Variants in CALN1 observed in about 807,000 individuals in gnomAD.
CALN1 encodes the protein calcium-binding protein 8.
In CALN1, 17 loss-of-function variants were observed where a neutral mutation model predicts 30.6. That is an observed-to-expected ratio of 0.56 (90% confidence interval 0.38 to 0.83). The LOEUF is 0.83. CALN1 is among the 40% of genes least tolerant of loss of function. CALN1 has a pLI of 0.00. For missense variants in CALN1, 291 were observed against 354.9 expected (o/e 0.82, Z 1.45); for synonymous variants, 156 against 131.4 (o/e 1.19, Z -1.28).
At chr7:71,936,511 G>C (rs1156764891) in intron 5 of CALN1, among the ~76,000 whole-genome samples, 1 of 152,058 alleles carries the variant, frequency 6.6e-6, no homozygotes, top group Non-Finnish European at 1.5e-5. Flanking sequence ...CTAGGCCCCT[G>C]GGAAATTCTG....
chr7:71,834,237 A>C (rs1419679497), intron 5 of CALN1, among the ~76,000 whole-genome samples: 1 of 138,722 alleles, frequency 7.2e-6, no homozygotes, highest in Non-Finnish European at 1.6e-5. Context: ...AAAAAAAAAA[A>C]AACCAACAAA....
chr7:72,291,120 C>A (rs1287989915), intron 2 of CALN1, among the ~76,000 whole-genome samples: 5 of 152,066 alleles, frequency 3.3e-5, no homozygotes. Flanking sequence ...GACAGGATTT[C>A]ACCATGTTGG....
At chr7:72,058,584 G>T (rs567368159) in intron 4 of CALN1, among the ~76,000 whole-genome samples, 1 of 152,168 alleles carries the variant, frequency 6.6e-6, no homozygotes, top group Admixed American at 6.5e-5. Flanking sequence ...CTCCCAAAGT[G>T]CTGGGATTAC....
chr7:72,483,243 TGTTTG>T, the CALN1 span, among the ~76,000 whole-genome samples: 3 of 141,648 alleles, frequency 2.1e-5, no homozygotes, highest in Admixed American at 6.8e-5. Flanking sequence ...TTTGTTTGTT[TGTTTG>T]GTTTGGTTTG....
chr7:72,199,317 C>T (rs1012934269), intron 3 of CALN1, among the ~76,000 whole-genome samples: 1 of 152,060 alleles, frequency 6.6e-6, no homozygotes, highest in Non-Finnish European at 1.5e-5. Context: ...AGTTCTAATG[C>T]CCACTCTCCC....
intron 2 of CALN1, among the ~76,000 whole-genome samples, chr7:72,383,019 C>T (rs928939735): frequency 3.3e-5 from 5 of 152,184 alleles, no homozygotes; most frequent in African/African-American, 9.7e-5. Flanking sequence ...ATCTCTTGAC[C>T]TCATGATCCA....
At chr7:71,797,233 T>G (rs1786982475) in intron 6 of CALN1, among the ~76,000 whole-genome samples, 1 of 152,064 alleles carries the variant, frequency 6.6e-6, no homozygotes, top group Non-Finnish European at 1.5e-5. Flanking sequence ...CCAAAAGAAG[T>G]CATATTATTT....
intron 5 of CALN1, among the ~76,000 whole-genome samples, chr7:71,894,473 C>T (rs1399768076): frequency 6.6e-6 from 1 of 152,162 alleles, no homozygotes; most frequent in African/African-American, 2.4e-5. Context: ...CGTTATGTTG[C>T]CCAGGTTGTT....
At chr7:72,241,735 T>C (rs1384976820) in intron 3 of CALN1, among the ~76,000 whole-genome samples, 1 of 151,726 alleles carries the variant, frequency 6.6e-6, no homozygotes, top group Non-Finnish European at 1.5e-5. Context: ...TTCAAATATA[T>C]CTGATGCAAC....
Position 72,240,738 on chromosome 7 carries a change from T to G in CALN1, c.244+37948A>C, listed in dbSNP as rs187019742. Among the ~76,000 whole-genome samples, 154 of 152,306 alleles carry G rather than the reference T, an allele frequency of 1.0e-3. 1 individual carries two copies. The highest frequency in any genetic ancestry group is 3.6e-3 in the African/African-American group (148 of 41,564). ...GTCAGCTGGCAAAGAAATCCAGTCATTCACTGAGTGTGGGCAGTGTTCTTG... is the reference window on the plus strand; with the variant it reads ...GTCAGCTGGCAAAGAAATCCAGTCAGTCACTGAGTGTGGGCAGTGTTCTTG... On this transcript the variant is annotated intron_variant, in intron 3 of 6. Transcript: ENST00000395275.
In CALN1 at chr7:71,940,079, G is replaced by T. The variant is rs546008871; in HGVS notation, c.501+83578C>A. Reference sequence around the variant, plus strand: ...TTTGCAGTTTTCCCTCTCTTCAAAGGTATATCCCTTCAAGGGTCTCAACTG... The same window carrying T: ...TTTGCAGTTTTCCCTCTCTTCAAAGTTATATCCCTTCAAGGGTCTCAACTG... On this transcript the variant is annotated intron_variant, in intron 5 of 6. Transcript: ENST00000395275. 2.0e-5 allele frequency among the ~76,000 whole-genome samples: 3 copies of T among 147,762 alleles called. No homozygotes were observed. In the East Asian group the frequency reaches 6.8e-4, roughly 34 times the overall value.
intron 5 of CALN1, among the ~76,000 whole-genome samples, chr7:71,860,656 T>C (rs568038086): frequency 6.6e-6 from 1 of 152,252 alleles, no homozygotes; most frequent in East Asian, 1.9e-4. Context: ...ACATGCCCCA[T>C]AAAAAATGAC....
chr7:72,329,751 C>G (rs1423395626), intron 2 of CALN1, among the ~76,000 whole-genome samples: 2 of 151,494 alleles, frequency 1.3e-5, no homozygotes, highest in Non-Finnish European at 2.9e-5. Context: ...GTCAGGAGTT[C>G]GAGACCAGCG....
intron 1 of CALN1, among the ~76,000 whole-genome samples, chr7:72,427,216 C>G (rs1389443501): frequency 6.6e-6 from 1 of 152,130 alleles, no homozygotes; most frequent in Non-Finnish European, 1.5e-5. Flanking sequence ...CCTCAAGCCA[C>G]CCTCCCACCT....
chr7:71,849,156 G>A (rs950943467), intron 5 of CALN1, among the ~76,000 whole-genome samples: 4 of 152,082 alleles, frequency 2.6e-5, no homozygotes, highest in Admixed American at 6.5e-5. Context: ...TTTAATCTAT[G>A]TGTGGCTTAT....
chr7:71,957,333 G>A (rs1054107645), intron 5 of CALN1, among the ~76,000 whole-genome samples: 1 of 151,898 alleles, frequency 6.6e-6, no homozygotes, highest in Non-Finnish European at 1.5e-5. Flanking sequence ...AATGATTCTG[G>A]AAAGACAAAA....
At chr7:71,849,613 TTTAGTAAGAAAAGGTCTTCTATATTA>T (rs1790521386) in intron 5 of CALN1, among the ~76,000 whole-genome samples, 1 of 152,158 alleles carries the variant, frequency 6.6e-6, no homozygotes, top group Non-Finnish European at 1.5e-5. Context: ...TTGGAGAGAA[TTTAGTAAGAAAAGGTCTTCTATATTA>T]TTAGAGTAAC....
At chr7:72,076,910 ATTTGT>A (rs1282111930) in intron 4 of CALN1, among the ~76,000 whole-genome samples, 2 of 151,982 alleles carry the variant, frequency 1.3e-5, no homozygotes, top group South Asian at 2.1e-4. Flanking sequence ...TCTTTTATTT[ATTTGT>A]TTTGTTTTTT....
chr7:72,076,362 G>A (rs567326034), intron 4 of CALN1, among the ~76,000 whole-genome samples: 4 of 151,618 alleles, frequency 2.6e-5, no homozygotes, highest in South Asian at 4.2e-4. Flanking sequence ...ACTTTGGGAG[G>A]CCGAGGCGAG....
Sources: gnomAD v4.1 joint callset for allele counts (sites outside exome capture counted in the v4.1 genomes callset) on GRCh38, gnomAD v4.1.1 for gene constraint, MANE v1.5 for transcripts, NCBI Gene and HGNC (gene_info 2026-07-23, HGNC 2026-07-21) for gene names.